Variants in FCHSD2 observed in about 807,000 individuals in gnomAD.
FCHSD2 encodes FCH and double SH3 domains 2, also known as F-BAR and double SH3 domains protein 2.
FCHSD2 carries 38 observed loss-of-function variants against 108.1 expected under a neutral mutation model. The ratio of observed to expected loss-of-function variants is 0.35; its 90% CI spans 0.27 to 0.46. The LOEUF (loss-of-function observed/expected upper bound fraction) is 0.46. FCHSD2 is among the 20% of genes least tolerant of loss of function. The pLI is 1.00. For synonymous variants in FCHSD2, 279 were observed against 314.7 expected (o/e 0.89, Z 1.20); for missense variants, 751 against 897.8 (o/e 0.84, Z 2.09).
At chr11:72,936,162 G>A (rs752263192) in intron 8 of FCHSD2, among the ~76,000 whole-genome samples, 2 of 152,162 alleles carry the variant, frequency 1.3e-5, no homozygotes, top group African/African-American at 4.8e-5. Context: ...TAAGAGTATG[G>A]TATGTGTAAA....
chr11:72,862,056 C>G (rs60288681), intron 13 of FCHSD2, among the ~76,000 whole-genome samples: 2,234 of 152,060 alleles, frequency 0.015, 54 homozygotes, highest in African/African-American at 0.052. Context: ...AAAAAAGAAC[C>G]ATTTGACAAG....
Position 72,907,599 on chromosome 11 carries a change from G to GTTTTTT in FCHSD2, c.829-4967_829-4962dup, listed in dbSNP as rs35079551. ...TGCATCTATTGAGATAATCACGTGGGTTTTTTTTTTTTTTTTTTTTCTTGA... is the reference window on the plus strand; with the variant it reads ...TGCATCTATTGAGATAATCACGTGGGTTTTTTTTTTTTTTTTTTTTTTTTTTCTTGA... On this transcript the variant is annotated intron_variant, in intron 9 of 19. Transcript: ENST00000409418. 6.1e-4 allele frequency among the ~76,000 whole-genome samples: 70 copies of GTTTTTT among 114,650 alleles called. 3 individuals are homozygous for GTTTTTT. Among genetic ancestry groups the GTTTTTT allele is most frequent in the African/African-American group, 6.5e-4 (19 of 29,150 alleles). The allele number at this position is 114,650 out of a possible 152,430, so 75.2% of individuals were successfully genotyped here. A position where few individuals can be genotyped will look rare whatever the true frequency, so the allele number is the denominator to read the frequency against.
intron 8 of FCHSD2, among the ~76,000 whole-genome samples, chr11:72,960,697 C>G (rs1856804116): frequency 6.6e-6 from 1 of 152,120 alleles, no homozygotes; most frequent in Admixed American, 6.5e-5. Flanking sequence ...CTGTTAGCCA[C>G]CAGAAAGTTC....
At position 73,048,138 on chromosome 11, in the gene FCHSD2, C is replaced by T. The variant is rs150145659; in HGVS notation, c.166-32253G>A. ...TAATAGAAAAACTTGACAATGTTAG[C>T]ATATCAAACTGCAAAAAGTAAAAAT... is the stretch of plus-strand genomic sequence containing the variant. On this transcript the variant is annotated intron_variant, in intron 3 of 19. Coordinates refer to ENST00000409418, the MANE Select transcript of FCHSD2 (RefSeq NM_014824.3). 2.7e-4 allele frequency among the ~76,000 whole-genome samples: 41 copies of T among 152,154 alleles called. No homozygotes were observed. The East Asian group carries it at 7.9e-3, about 29-fold the overall frequency.
intron 3 of FCHSD2, among the ~76,000 whole-genome samples, chr11:73,018,483 TTACTC>T (rs1216164898): frequency 1.3e-5 from 2 of 152,124 alleles, no homozygotes; most frequent in African/African-American, 4.8e-5. Context: ...ATTTGTCTGT[TTACTC>T]TATAAGCTCC....
chr11:73,106,406 C>CAAAAAA (rs781338343), intron 2 of FCHSD2, among the ~76,000 whole-genome samples: 5 of 65,032 alleles, frequency 7.7e-5, no homozygotes, highest in Non-Finnish European at 3.3e-5. Context: ...ACTCTGTCTC[C>CAAAAAA]AAAAAAAAAA....
chr11:72,883,857 A>G (rs927499388), intron 12 of FCHSD2, among the ~76,000 whole-genome samples: 9 of 151,662 alleles, frequency 5.9e-5, no homozygotes, highest in Non-Finnish European at 1.3e-4. Flanking sequence ...GCTTGAGCCC[A>G]GGAGGTTCGG....
chr11:73,096,009 T>C (rs1860064833), intron 2 of FCHSD2, among the ~76,000 whole-genome samples: 1 of 147,972 alleles, frequency 6.8e-6, no homozygotes, highest in Non-Finnish European at 1.5e-5. Context: ...TATCCTAAAG[T>C]GCTATAGAAA....
At chr11:72,852,094 G>T (rs1416885927) in intron 13 of FCHSD2, among the ~76,000 whole-genome samples, 1 of 151,820 alleles carries the variant, frequency 6.6e-6, no homozygotes, top group Non-Finnish European at 1.5e-5. Flanking sequence ...TCACCACGTT[G>T]CTTAGGCTGG....
In FCHSD2 at chr11:72,868,036, C is replaced by G; in HGVS notation, c.1147-10G>C. On this transcript the variant is annotated splice_polypyrimidine_tract_variant and intron_variant, in intron 12 of 19. Transcript: ENST00000409418. ...CTTTCAATTTAATTATCTAGAGAAC[C>G]AAGAAAATGGTCGGAAATCAAGGCT... 6.5e-7 allele frequency: 1 copy of G among 1,548,164 alleles called. No individual in the cohort carries two copies. Among genetic ancestry groups the G allele is most frequent in the East Asian group, 2.4e-5 (1 of 41,496 alleles).
intron 15 of FCHSD2, 25 bp downstream of exon 15, chr11:72,843,424 G>A: frequency 6.2e-7 from 1 of 1,606,972 alleles, no homozygotes; most frequent in South Asian, 1.1e-5. Flanking sequence ...TCACAAGAAA[G>A]GGCGATATGA....
intron 9 of FCHSD2, among the ~76,000 whole-genome samples, chr11:72,916,002 T>C (rs1381592027): frequency 6.6e-6 from 1 of 152,018 alleles, no homozygotes; most frequent in African/African-American, 2.4e-5. Context: ...CATTTGTAAG[T>C]GGGAGCTAAA....
intron 8 of FCHSD2, among the ~76,000 whole-genome samples, chr11:72,944,385 T>G (rs1308718184): frequency 6.6e-6 from 1 of 152,162 alleles, no homozygotes; most frequent in Non-Finnish European, 1.5e-5. Context: ...AATTAGGTAT[T>G]GATGGGACGT....
intron 2 of FCHSD2, among the ~76,000 whole-genome samples, chr11:73,125,523 G>C (rs1489579708): frequency 6.6e-6 from 1 of 152,070 alleles, no homozygotes; most frequent in Non-Finnish European, 1.5e-5. Flanking sequence ...GGGAGACATA[G>C]TAAGACCCTG....
intron 3 of FCHSD2, among the ~76,000 whole-genome samples, chr11:73,075,135 T>C (rs1315451679): frequency 6.6e-6 from 1 of 152,138 alleles, no homozygotes; most frequent in Non-Finnish European, 1.5e-5. Context: ...AAGGCTAAAA[T>C]GAAAACCACA....
At chr11:73,106,374 C>T (rs373396483) in intron 2 of FCHSD2, among the ~76,000 whole-genome samples, 2 of 150,280 alleles carry the variant, frequency 1.3e-5, no homozygotes, top group South Asian at 4.2e-4. Context: ...CCACTACACT[C>T]CACCCTGGGT....
At chr11:73,016,410 G>A (rs1024888184) in intron 3 of FCHSD2, among the ~76,000 whole-genome samples, 1 of 152,006 alleles carries the variant, frequency 6.6e-6, no homozygotes, top group Non-Finnish European at 1.5e-5. Context: ...TTATTGTCCA[G>A]TCCTCTCTTG....
chr11:72,975,060 G>A (rs538978545), intron 8 of FCHSD2, among the ~76,000 whole-genome samples: 13 of 152,220 alleles, frequency 8.5e-5, no homozygotes, highest in Middle Eastern at 3.4e-3. Context: ...CAGAAAAACC[G>A]AAAAAGAACT....
chr11:73,014,642 G>A (rs554342381), intron 4 of FCHSD2, among the ~76,000 whole-genome samples: 3 of 152,002 alleles, frequency 2.0e-5, no homozygotes, highest in African/African-American at 7.2e-5. Flanking sequence ...GCTTGATTTC[G>A]TATTCAGACT....
Sources: gnomAD v4.1 joint callset for allele counts (sites outside exome capture counted in the v4.1 genomes callset) on GRCh38, gnomAD v4.1.1 for gene constraint, MANE v1.5 for transcripts, NCBI Gene and HGNC (gene_info 2026-07-23, HGNC 2026-07-21) for gene names.